The following PRKG1 variants were observed in gnomAD, a reference collection of about 807,000 sequenced individuals.
PRKG1 encodes protein kinase cGMP-dependent 1.
In PRKG1, 35 loss-of-function variants were observed where a neutral mutation model predicts 88.1. The ratio of observed to expected loss-of-function variants is 0.40; its 90% CI spans 0.30 to 0.53. The LOEUF (loss-of-function observed/expected upper bound fraction) is 0.53. Among genes scored for constraint, PRKG1 ranks in the 20% least tolerant of loss-of-function variants. The probability of loss-of-function intolerance (pLI) is 0.59; values close to 1 mark genes in which losing one functional copy is unlikely to be tolerated. For missense variants in PRKG1, 540 were observed against 839.8 expected, an observed-to-expected ratio of 0.64 and a Z score of 4.41; for synonymous variants, 303 against 292.5, an observed-to-expected ratio of 1.04 and a Z score of -0.37.
chr10:51,945,355 A>C (rs1843002286), intron 5 of PRKG1, among the ~76,000 whole-genome samples: 2 of 151,114 alleles, frequency 1.3e-5, no homozygotes, highest in East Asian at 1.9e-4. Flanking sequence ...GTGTCTCTGC[A>C]CGTGAGATGA....
intron 2 of PRKG1, among the ~76,000 whole-genome samples, chr10:51,168,548 GT>G (rs1846611497): frequency 6.6e-6 from 1 of 152,022 alleles, no homozygotes; most frequent in East Asian, 1.9e-4. Context: ...GCTTCTTAAG[GT>G]TTTCACTAAT....
intron 10 of PRKG1, among the ~76,000 whole-genome samples, chr10:52,254,237 T>C (rs1426041215): frequency 6.6e-6 from 1 of 151,978 alleles, no homozygotes; most frequent in Non-Finnish European, 1.5e-5. Context: ...ACCAGTTCTT[T>C]TGTGATTACA....
chr10:51,717,022 T>A (rs1327527184), intron 3 of PRKG1, among the ~76,000 whole-genome samples: 3 of 152,142 alleles, frequency 2.0e-5, no homozygotes, highest in Non-Finnish European at 1.5e-5. Context: ...TTGCAAAGTA[T>A]AAAAGTCTTG....
In PRKG1 at chr10:51,261,576, A is replaced by G. The variant is rs545476269; in HGVS notation, c.478+108246A>G. Among the ~76,000 whole-genome samples, 3 of 152,344 alleles carry G rather than the reference A, an allele frequency of 2.0e-5. No homozygotes were observed. The East Asian group carries it at 5.8e-4, about 29-fold the overall frequency. The stretch of plus-strand genomic sequence containing the variant: ...TTTCAGTCTTGTCTAGGTTTATCCC[A>G]TTTATGCCAGGTAAAGATCAAGTTT... On this transcript the variant is annotated intron_variant, in intron 2 of 17. Transcript: ENST00000373980.
At chr10:52,053,963 G>A (rs185999607) in intron 5 of PRKG1, among the ~76,000 whole-genome samples, 1 of 152,144 alleles carries the variant, frequency 6.6e-6, no homozygotes, top group Admixed American at 6.5e-5. Flanking sequence ...CAATTTCTTA[G>A]GAGAAAAAGG....
intron 3 of PRKG1, among the ~76,000 whole-genome samples, chr10:51,544,246 C>T (rs577512379): frequency 2.1e-5 from 3 of 143,396 alleles, no homozygotes; most frequent in African/African-American, 7.6e-5. Context: ...TGATGTTCCC[C>T]ACCCTGTGTC....
chr10:51,534,051 G>A (rs1842081359), intron 3 of PRKG1, among the ~76,000 whole-genome samples: 1 of 152,146 alleles, frequency 6.6e-6, no homozygotes, highest in South Asian at 2.1e-4. Context: ...TTATGCTTAG[G>A]AAGATCAAGG....
At chr10:51,135,531 A>G (rs1161988626) in intron 1 of PRKG1, among the ~76,000 whole-genome samples, 3 of 152,280 alleles carry the variant, frequency 2.0e-5, no homozygotes, top group African/African-American at 7.2e-5. Context: ...AATAGTATTT[A>G]TTTTGAAATA....
intron 3 of PRKG1, among the ~76,000 whole-genome samples, chr10:51,706,679 A>G (rs1030855028): frequency 3.3e-5 from 5 of 152,210 alleles, no homozygotes; most frequent in Admixed American, 6.5e-5. Context: ...AAGGCAGTAG[A>G]GTGAAGGAAT....
chr10:51,843,752 A>T (rs1191121038), intron 4 of PRKG1, among the ~76,000 whole-genome samples: 2 of 152,104 alleles, frequency 1.3e-5, no homozygotes, highest in African/African-American at 2.4e-5. Flanking sequence ...ATACTGAATT[A>T]TTTCCTTTTA....
chr10:52,233,184 CAA>C (rs3031022), intron 9 of PRKG1, among the ~76,000 whole-genome samples: 128 of 142,110 alleles, frequency 9.0e-4, no homozygotes, highest in Admixed American at 1.2e-3. Flanking sequence ...AAAAGGGAGC[CAA>C]AAAAAAAAAA....
intron 4 of PRKG1, among the ~76,000 whole-genome samples, chr10:51,889,045 C>T (rs558356335): frequency 1.4e-5 from 2 of 140,872 alleles, no homozygotes; most frequent in Non-Finnish European, 1.5e-5. Context: ...CAGAGCCCTC[C>T]ACTTAACACA....
At chr10:51,132,427 C>T (rs1845587819) in intron 1 of PRKG1, among the ~76,000 whole-genome samples, 2 of 152,064 alleles carry the variant, frequency 1.3e-5, no homozygotes, top group South Asian at 4.1e-4. Context: ...GTAAAAGACA[C>T]TGAAAAACTT....
intron 1 of PRKG1, among the ~76,000 whole-genome samples, chr10:51,018,634 A>C (rs1843098231): frequency 6.6e-6 from 1 of 152,206 alleles, no homozygotes; most frequent in African/African-American, 2.4e-5. Flanking sequence ...TATTTCCATT[A>C]ATCACTCAGG....
rs1240285778 is a variant in PRKG1 at position 51,040,904 on chromosome 10, C to T, written c.266+49260C>T. Among the ~76,000 whole-genome samples, 4 of 151,962 alleles carry T rather than the reference C, an allele frequency of 2.6e-5. No individual in the cohort carries two copies. In the East Asian group the frequency reaches 7.7e-4, roughly 29 times the overall value. ...TTTTGGATTCTTCAGGTTTTTTTCACATATAAGTTTATATCATCTGTAAAC... is the reference window on the plus strand; with the variant it reads ...TTTTGGATTCTTCAGGTTTTTTTCATATATAAGTTTATATCATCTGTAAAC... On this transcript the variant is annotated intron_variant, in intron 1 of 17. Coordinates refer to the PRKG1 transcript ENST00000401604.
At chr10:52,093,802 G>T (rs1847111854) in intron 7 of PRKG1, among the ~76,000 whole-genome samples, 2 of 152,142 alleles carry the variant, frequency 1.3e-5, no homozygotes, top group African/African-American at 2.4e-5. Flanking sequence ...TATATATCAT[G>T]TGGGAAGAGC....
At chr10:51,276,290 G>A (rs11594719) in intron 2 of PRKG1, among the ~76,000 whole-genome samples, 20,764 of 152,092 alleles carry the variant, frequency 0.14, 1,533 homozygotes, top group East Asian at 0.19. Flanking sequence ...CAAAGGACAC[G>A]AACTCATCCT....
At chr10:52,251,776 AC>A in intron 10 of PRKG1, 110 bp downstream of exon 10, 1 of 908,708 alleles carries the variant, frequency 1.1e-6, no homozygotes, top group Non-Finnish European at 1.7e-6. Context: ...ATCATTAATT[AC>A]CATGATTCCT....
chr10:52,246,072 A>G (rs888040639), intron 9 of PRKG1, among the ~76,000 whole-genome samples: 3 of 152,076 alleles, frequency 2.0e-5, no homozygotes, highest in Non-Finnish European at 2.9e-5. Flanking sequence ...CTGGGTTGAA[A>G]CATTATATTT....
Sources: allele counts gnomAD v4.1 joint callset (sites outside exome capture counted in the v4.1 genomes callset), GRCh38; gene constraint gnomAD v4.1.1; transcripts MANE v1.5; gene names NCBI Gene and HGNC (gene_info 2026-07-23, HGNC 2026-07-21).